Variants in CUX1 observed in about 807,000 individuals in gnomAD.
The protein encoded by CUX1 is protein CASP.
Under a neutral mutation model 158.8 loss-of-function variants are expected in CUX1, and 31 were observed. The observed-to-expected ratio is 0.20, with a 90% CI of 0.15 to 0.26. CUX1 has a LOEUF of 0.26. Ranked by LOEUF, CUX1 falls within the 10% of genes least tolerant of loss-of-function variation. CUX1 has a pLI of 1.00. For missense variants in CUX1, 1,589 were observed against 2,014.6 expected, an observed-to-expected ratio of 0.79 and a Z score of 4.04; for synonymous variants, 879 against 862.1, an observed-to-expected ratio of 1.02 and a Z score of -0.34.
chr7:102,275,329 C>CT lies in CUX1; in HGVS notation c.1535dup (p.Arg513ProfsTer8). On this transcript the variant is annotated frameshift_variant, in exon 17 of 23. Transcript: ENST00000292538. LOFTEE classifies it high-confidence loss of function. ...CCATCATCTCCAGCCAGAGGGAGCG[C>CT]TTCCGTGCCCGGAACCAGGAGCTTG... 1 of 1,612,932 alleles carries CT rather than the reference C, an allele frequency of 6.2e-7. No individual in the cohort carries two copies. Among genetic ancestry groups the CT allele is most frequent in the Non-Finnish European group, 8.5e-7 (1 of 1,179,414 alleles).
chr7:102,156,440 C>T (rs1554505326), intron 8 of CUX1, among the ~76,000 whole-genome samples: 1 of 152,072 alleles, frequency 6.6e-6, no homozygotes, highest in Non-Finnish European at 1.5e-5. Context: ...ATTATGATAA[C>T]CCAGTCTCAA....
chr7:102,004,602 G>A (rs558850159), intron 2 of CUX1, among the ~76,000 whole-genome samples: 1 of 152,282 alleles, frequency 6.6e-6, no homozygotes, highest in African/African-American at 2.4e-5. Context: ...CCACCATTGA[G>A]CTAGAGTCAT....
intron 16 of CUX1, among the ~76,000 whole-genome samples, chr7:102,199,072 G>A (rs941297725): frequency 7.2e-5 from 11 of 152,120 alleles, no homozygotes; most frequent in Non-Finnish European, 1.3e-4. Flanking sequence ...AAGCACAGGC[G>A]GGGGTGAGAA....
At chr7:101,867,443 G>A (rs1475579989) in intron 1 of CUX1, among the ~76,000 whole-genome samples, 4 of 152,152 alleles carry the variant, frequency 2.6e-5, no homozygotes, top group Non-Finnish European at 5.9e-5. Context: ...GACCACTCAC[G>A]GCAGCCACAA....
chr7:102,134,050 A>G (rs1833629545), intron 8 of CUX1, among the ~76,000 whole-genome samples: 1 of 152,144 alleles, frequency 6.6e-6, no homozygotes, highest in Non-Finnish European at 1.5e-5. Flanking sequence ...TTAAAAAAAG[A>G]TTGTCCTGGC....
chr7:102,283,012 G>A, intron 22 of CUX1: 1 of 1,610,036 alleles, frequency 6.2e-7, no homozygotes, highest in Non-Finnish European at 8.5e-7. Context: ...AGCTTCCCGT[G>A]TCCCCCAGGT....
At chr7:102,012,315 G>A (rs1818129972) in intron 2 of CUX1, among the ~76,000 whole-genome samples, 1 of 152,060 alleles carries the variant, frequency 6.6e-6, no homozygotes, top group African/African-American at 2.4e-5. Context: ...AGCCTCCCAA[G>A]TAGCTGGGAC....
rs183876895 is a variant in CUX1 at position 102,014,040 on chromosome 7, A to G, written c.142-14058A>G. On this transcript the variant is annotated intron_variant, in intron 2 of 23. Coordinates refer to ENST00000292535, the MANE Select transcript of CUX1 (RefSeq NM_181552.4). ...TTTAATCTGTTATTGAGTAAGGTGC[A>G]ATTTGTGGCTCCATATACAGGGACA... Among the ~76,000 whole-genome samples the G allele has an allele frequency of 3.3e-5, 5 of 152,212 alleles. No homozygotes were observed. In the East Asian group the frequency reaches 9.7e-4, roughly 29 times the overall value.
intron 2 of CUX1, among the ~76,000 whole-genome samples, chr7:101,975,508 G>A (rs1812554791): frequency 6.6e-6 from 1 of 152,192 alleles, no homozygotes; most frequent in South Asian, 2.1e-4. Context: ...AGTGAGCTAT[G>A]ATTGTGTCAT....
chr7:102,201,754 C>G lies in CUX1; in HGVS notation c.2457C>G (p.Ala819=), dbSNP rs202147589. 5.6e-6 allele frequency: 9 copies of G among 1,612,666 alleles called. No individual in the cohort carries two copies. The East Asian group carries it at 2.0e-4, about 36-fold the overall frequency. ...AAAATGAGGTGGGCCGCAGCGGTGC[C>G]TGGAAGGACCACTGGTGGAGCGCGG... The part of the protein sequence containing the change: ...QVKNEVGRSG[A]WKDHWWSAVQ... The change falls in exon 18 of 24, where the codon GCC becomes GCG. Residue 819 remains alanine, a synonymous_variant. Coordinates refer to ENST00000292535, the MANE Select transcript of CUX1 (RefSeq NM_181552.4). The surrounding 1 kb of genome is among the most constrained non-coding windows in gnomAD (Gnocchi z 5.0).
intron 8 of CUX1, among the ~76,000 whole-genome samples, chr7:102,118,941 G>A (rs181171147): frequency 4.6e-5 from 7 of 152,218 alleles, no homozygotes; most frequent in Admixed American, 2.6e-4. Flanking sequence ...TAGTAGAGAC[G>A]GGGTTTCACC....
At chr7:101,921,315 G>A (rs1214161626) in intron 2 of CUX1, among the ~76,000 whole-genome samples, 1 of 152,136 alleles carries the variant, frequency 6.6e-6, no homozygotes, top group Non-Finnish European at 1.5e-5. Flanking sequence ...GCACAGGCCT[G>A]TCCCTAGAGT....
At chr7:101,927,147 AACACACACACAC>A (rs10584842) in intron 2 of CUX1, among the ~76,000 whole-genome samples, 4 of 149,488 alleles carry the variant, frequency 2.7e-5, no homozygotes, top group Admixed American at 2.0e-4. Flanking sequence ...CTGTCAACAC[AACACACACACAC>A]ACACACACAC....
intron 2 of CUX1, among the ~76,000 whole-genome samples, chr7:102,007,600 G>A (rs979169949): frequency 6.6e-6 from 1 of 150,978 alleles, no homozygotes; most frequent in African/African-American, 2.4e-5. Context: ...CCCTCACCTG[G>A]GCCCTAAACT....
At chr7:101,832,703 C>T (rs574303420) in intron 1 of CUX1, among the ~76,000 whole-genome samples, 10 of 152,338 alleles carry the variant, frequency 6.6e-5, no homozygotes, top group African/African-American at 2.4e-4. Context: ...TTGCATTCAG[C>T]TTCAATGACA....
chr7:102,200,002 G>A (rs768155681), intron 16 of CUX1, 69 bp from the exon 17 acceptor site: 127 of 1,351,704 alleles, frequency 9.4e-5, no homozygotes, highest in African/African-American at 7.2e-4. Flanking sequence ...TCAGAATGAC[G>A]TCTTCGCGCA....
chr7:101,876,337 AAAAAC>A (rs958729760), intron 1 of CUX1, among the ~76,000 whole-genome samples: 7 of 128,294 alleles, frequency 5.5e-5, no homozygotes, highest in African/African-American at 9.3e-5. Flanking sequence ...AGATTAAAAA[AAAAAC>A]AAAAAAAAAA....
intron 4 of CUX1, among the ~76,000 whole-genome samples, chr7:102,076,637 C>T (rs1554476768): frequency 6.6e-6 from 1 of 152,132 alleles, no homozygotes; most frequent in African/African-American, 2.4e-5. Flanking sequence ...ACCACACCCC[C>T]AGGGCATCAA....
At chr7:102,158,536 GCT>G in intron 8 of CUX1, 22 bp from the exon 9 acceptor site, 1 of 1,613,588 alleles carries the variant, frequency 6.2e-7, no homozygotes, top group Non-Finnish European at 8.5e-7. Flanking sequence ...TGACTAACCT[GCT>G]CTCTCCCTCT....
Sources: allele counts gnomAD v4.1 joint callset (sites outside exome capture counted in the v4.1 genomes callset), GRCh38; gene constraint gnomAD v4.1.1; non-coding constraint Gnocchi (gnomAD v3.1); transcripts MANE v1.5; gene names NCBI Gene and HGNC (gene_info 2026-07-23, HGNC 2026-07-21).